Variants in MAGOH observed in about 807,000 individuals in gnomAD.
The protein encoded by MAGOH is protein mago nashi homolog.
MAGOH carries 3 observed loss-of-function variants against 20.9 expected under a neutral mutation model. The observed-to-expected ratio is 0.14, with a 90% CI of 0.07 to 0.37. The LOEUF (loss-of-function observed/expected upper bound fraction) is 0.37, where lower values mean the gene tolerates loss of function less well. Among genes scored for constraint, MAGOH ranks in the 10% least tolerant of loss-of-function variants. The probability of loss-of-function intolerance (pLI) is 1.00; values close to 1 mark genes in which losing one functional copy is unlikely to be tolerated. For synonymous variants in MAGOH, 51 were observed against 61.0 expected (o/e 0.84, Z 0.76); for missense variants, 66 against 178.1 (o/e 0.37, Z 3.58).
At chr1:53,233,490 G>A in intron 3 of MAGOH, 52 bp downstream of exon 3, 1 of 1,255,504 alleles carries the variant, frequency 8.0e-7, no homozygotes, top group South Asian at 1.2e-5. Flanking sequence ...AGGGAGTGTG[G>A]GGGGTCTTAT....
Position 53,238,455 on chromosome 1 carries a change from C to G in MAGOH, c.-7G>C, listed in dbSNP as rs772657750. ...GATAAAAGTCACTCTCCATGGCTCC[C>G]AAAAGACAACCGAGCCTGAACTTCC... is the stretch of plus-strand genomic sequence containing the variant. On this transcript the variant is annotated 5_prime_UTR_variant, in exon 1 of 5. Transcript: ENST00000371470. The G allele has an allele frequency of 1.4e-5, 23 of 1,612,734 alleles. No individual in the cohort carries two copies. The highest frequency in any genetic ancestry group is 2.2e-5 in the East Asian group (1 of 44,868).
intron 2 of MAGOH, among the ~76,000 whole-genome samples, chr1:53,234,950 C>T (rs955632538): frequency 3.9e-5 from 6 of 152,140 alleles, no homozygotes; most frequent in African/African-American, 1.4e-4. Flanking sequence ...TGCTGTATCT[C>T]TTACTAGCAG....
In MAGOH at chr1:53,226,995, A is replaced by G; in HGVS notation, c.*50T>C. 1.0e-6 allele frequency: 1 copy of G among 973,920 alleles called. No homozygotes were observed. The highest frequency in any genetic ancestry group is 2.4e-5 in the Admixed American group (1 of 40,996). The allele number at this position is 973,920 out of a possible 1,614,324, so 60.3% of individuals were successfully genotyped here. Reference sequence around the variant, plus strand: ...ATAAAAAAATACTGCCCTGATATACACAAAATTTTCTACTCCCACCCACCC... The same window carrying G: ...ATAAAAAAATACTGCCCTGATATACGCAAAATTTTCTACTCCCACCCACCC... On this transcript the variant is annotated 3_prime_UTR_variant, in exon 5 of 5. Coordinates refer to ENST00000371470, the MANE Select transcript of MAGOH (RefSeq NM_002370.4).
rs371974686 is a variant in MAGOH at position 53,233,679 on chromosome 1, T to A, written c.148-27A>T. 179 of 1,412,452 alleles carry A rather than the reference T, an allele frequency of 1.3e-4. 1 individual carries two copies. Among genetic ancestry groups the A allele is most frequent in the Non-Finnish European group, 1.7e-4 (172 of 996,936 alleles). The allele number at this position is 1,412,452 out of a possible 1,614,324, so 87.5% of individuals were successfully genotyped here. A position where few individuals can be genotyped will look rare whatever the true frequency, so the allele number is the denominator to read the frequency against. ...TGAACGCAAGTTAAAAAACAAAATG[T>A]ATGTTGTATCCTTAAGCAGTGCTTT... On this transcript the variant is annotated intron_variant, in intron 2 of 4. Coordinates refer to ENST00000371470, the MANE Select transcript of MAGOH (RefSeq NM_002370.4).
intron 1 of MAGOH, among the ~76,000 whole-genome samples, chr1:53,235,868 G>A (rs1645607848): frequency 6.6e-6 from 1 of 152,222 alleles, no homozygotes; most frequent in South Asian, 2.1e-4. Flanking sequence ...AAGCAGCTCA[G>A]GTGGGGTATA....
intron 4 of MAGOH, among the ~76,000 whole-genome samples, chr1:53,228,120 C>T (rs971361044): frequency 6.6e-6 from 1 of 152,074 alleles, no homozygotes; most frequent in Admixed American, 6.6e-5. Flanking sequence ...TTCACCAAAC[C>T]AATGCTTTTG....
chr1:53,228,668 C>T (rs563299823), intron 4 of MAGOH, among the ~76,000 whole-genome samples: 5 of 152,272 alleles, frequency 3.3e-5, no homozygotes, highest in Non-Finnish European at 2.9e-5. Flanking sequence ...CTCGCAGTAG[C>T]AATGGCTGAA....
At chr1:53,230,187 A>G (rs544621780) in intron 3 of MAGOH, among the ~76,000 whole-genome samples, 1 of 152,268 alleles carries the variant, frequency 6.6e-6, no homozygotes, top group South Asian at 2.1e-4. Context: ...TGTGAGGCCT[A>G]TTTACTTTTT....
At chr1:53,228,699 G>A (rs1008581829) in intron 4 of MAGOH, among the ~76,000 whole-genome samples, 173 bp downstream of exon 4, 57 of 152,158 alleles carry the variant, frequency 3.7e-4, no homozygotes, top group African/African-American at 1.3e-3. Context: ...AAAGTAATAG[G>A]AGCAAGTCCT....
rs1460967574 is a variant in MAGOH at position 53,238,466 on chromosome 1, C to G, written c.-18G>C. The G allele has an allele frequency of 3.1e-6, 5 of 1,608,116 alleles. No homozygotes were observed. Among genetic ancestry groups the G allele is most frequent in the Non-Finnish European group, 3.4e-6 (4 of 1,174,598 alleles). ...CTCTCCATGGCTCCCAAAAGACAAC[C>G]GAGCCTGAACTTCCAAGAGCAAGCC... On this transcript the variant is annotated 5_prime_UTR_variant, in exon 1 of 5. Coordinates refer to ENST00000371470, the MANE Select transcript of MAGOH (RefSeq NM_002370.4).
chr1:53,228,221 G>A (rs934272743), intron 4 of MAGOH, among the ~76,000 whole-genome samples: 1 of 152,224 alleles, frequency 6.6e-6, no homozygotes, highest in African/African-American at 2.4e-5. Flanking sequence ...CATGAGGTCA[G>A]GAGTTCAAGA....
intron 1 of MAGOH, among the ~76,000 whole-genome samples, chr1:53,235,949 A>G (rs1316555050): frequency 6.6e-6 from 1 of 152,250 alleles, no homozygotes; most frequent in Non-Finnish European, 1.5e-5. Context: ...AAACAGGCCT[A>G]GTAACTGATA....
rs772920165 is a variant in MAGOH at position 53,227,001 on chromosome 1, T to C, written c.*44A>G. 2 of 1,042,634 alleles carry C rather than the reference T, an allele frequency of 1.9e-6. No homozygotes were observed. The highest frequency in any genetic ancestry group is 3.3e-5 in the African/African-American group (2 of 60,958). The allele number at this position is 1,042,634 out of a possible 1,614,324, so 64.6% of individuals were successfully genotyped here. On this transcript the variant is annotated 3_prime_UTR_variant, in exon 5 of 5. Transcript: ENST00000371470. ...AAATACTGCCCTGATATACACAAAA[T>C]TTTCTACTCCCACCCACCCCCCATG...
At chr1:53,230,829 A>C (rs771096190) in intron 3 of MAGOH, among the ~76,000 whole-genome samples, 20 of 152,208 alleles carry the variant, frequency 1.3e-4, no homozygotes, top group Non-Finnish European at 2.6e-4. Context: ...TTCGAGATTT[A>C]TCAATGTTGA....
chr1:53,235,537 G>A (rs769988207), intron 2 of MAGOH, 40 bp downstream of exon 2: 1 of 1,558,414 alleles, frequency 6.4e-7, no homozygotes. Context: ...AAGCTGAAAT[G>A]TAGCAAATGA....
At chr1:53,234,015 C>A in intron 2 of MAGOH, 1 of 217,212 alleles carries the variant, frequency 4.6e-6, no homozygotes, top group South Asian at 7.0e-5. Flanking sequence ...AATTAATCCC[C>A]AAAGCAACAG....
chr1:53,229,605 T>C lies in MAGOH; in HGVS notation c.259-651A>G, dbSNP rs1417635398. 7.2e-5 allele frequency among the ~76,000 whole-genome samples: 11 copies of C among 152,250 alleles called. No individual in the cohort carries two copies. In the East Asian group the frequency reaches 1.9e-3, roughly 27 times the overall value. Reference sequence around the variant, plus strand: ...TGTCAACAATGTGGAGTAACATGAATACACCTATGTTTTAAAAATACCAAA... The same window carrying C: ...TGTCAACAATGTGGAGTAACATGAACACACCTATGTTTTAAAAATACCAAA... On this transcript the variant is annotated intron_variant, in intron 3 of 4. Transcript: ENST00000371470.
chr1:53,228,820 T>A, intron 4 of MAGOH, 52 bp downstream of exon 4: 1 of 1,380,490 alleles, frequency 7.2e-7, no homozygotes, highest in Non-Finnish European at 1.0e-6. Flanking sequence ...AGGTTTCTTA[T>A]CAATCTGCTC....
intron 3 of MAGOH, chr1:53,233,281 C>A: frequency 3.6e-6 from 1 of 278,998 alleles, no homozygotes; most frequent in Non-Finnish European, 6.7e-6. Flanking sequence ...TTTTAGTTAC[C>A]AAAATGGTGC....
Sources: gnomAD v4.1 joint callset for allele counts (sites outside exome capture counted in the v4.1 genomes callset) on GRCh38, gnomAD v4.1.1 for gene constraint, MANE v1.5 for transcripts, NCBI Gene and HGNC (gene_info 2026-07-23, HGNC 2026-07-21) for gene names.